The following RP1 variants were observed in gnomAD, a reference collection of about 807,000 sequenced individuals.
RP1 encodes RP1 axonemal microtubule associated, also known as oxygen-regulated protein 1.
In RP1, 16 loss-of-function variants were observed where a neutral mutation model predicts 14.8. The ratio of observed to expected loss-of-function variants is 1.08; its 90% confidence interval spans 0.73 to 1.65. RP1 has a LOEUF of 1.65. Ranked by LOEUF, RP1 falls within the 40% of genes most tolerant of loss-of-function variation. The pLI is 0.00. For synonymous variants in RP1, 876 were observed against 883.6 expected (o/e 0.99, Z 0.15); for missense variants, 2,631 against 2,535.0 (o/e 1.04, Z -0.81).
intron 1 of RP1, among the ~76,000 whole-genome samples, chr8:54,610,281 C>T (rs1056046440): frequency 6.6e-6 from 1 of 152,144 alleles, no homozygotes; most frequent in Non-Finnish European, 1.5e-5. Flanking sequence ...ACCTTTTCCT[C>T]ATAAACTCCT....
At chr8:54,804,146 G>T (rs994563292) in intron 24 of RP1, among the ~76,000 whole-genome samples, 3 of 151,390 alleles carry the variant, frequency 2.0e-5, no homozygotes, top group Non-Finnish European at 4.4e-5. Context: ...ACATATGTGG[G>T]GGGGGGCTAG....
At chr8:54,637,502 T>TA (rs1312946012) in intron 3 of RP1, among the ~76,000 whole-genome samples, 1 of 152,180 alleles carries the variant, frequency 6.6e-6, no homozygotes, top group Non-Finnish European at 1.5e-5. Flanking sequence ...TAGCTCAAAA[T>TA]AAAAAATAGA....
At position 54,835,324 on chromosome 8, in the gene RP1, C is replaced by A. The variant is rs531918790; in HGVS notation, c.3616-2126C>A. On this transcript the variant is annotated intron_variant, in intron 24 of 28. Transcript: ENST00000637698. ...AGCACTAGCCATGCTGTAGTACAGT[C>A]ATTTCAGTTCTGGTTCTAGTTGGCT... Among the ~76,000 whole-genome samples, 6 of 152,264 alleles carry A rather than the reference C, an allele frequency of 3.9e-5. No homozygotes were observed. The East Asian group carries it at 1.2e-3, about 29-fold the overall frequency.
At chr8:54,812,102 T>C (rs1008961044) in intron 24 of RP1, among the ~76,000 whole-genome samples, 3 of 152,230 alleles carry the variant, frequency 2.0e-5, no homozygotes, top group Non-Finnish European at 2.9e-5. Flanking sequence ...ATAGATGTCA[T>C]CAATACAATA....
At chr8:54,661,306 G>GATATATATATGATAT (rs1554522269) in intron 6 of RP1, among the ~76,000 whole-genome samples, 9 of 79,292 alleles carry the variant, frequency 1.1e-4, no homozygotes, top group Admixed American at 4.7e-4. Context: ...ATATATATGA[G>GATATATATATGATAT]ATATATATAT....
intron 24 of RP1, among the ~76,000 whole-genome samples, chr8:54,785,879 C>T (rs1158186207): frequency 1.3e-5 from 2 of 152,088 alleles, no homozygotes; most frequent in South Asian, 2.1e-4. Context: ...TATACTTGAT[C>T]TTAGCCAAAA....
intron 16 of RP1, among the ~76,000 whole-genome samples, chr8:54,722,666 A>G (rs1808564873): frequency 6.6e-6 from 1 of 152,174 alleles, no homozygotes; most frequent in African/African-American, 2.4e-5. Context: ...GCCCCCGAAA[A>G]AGTTAAGCTG....
intron 6 of RP1, among the ~76,000 whole-genome samples, chr8:54,661,149 A>C (rs914193348): frequency 1.4e-5 from 2 of 148,070 alleles, no homozygotes; most frequent in African/African-American, 4.9e-5. Context: ...CTATTAAAAA[A>C]TATAAAATTA....
intron 19 of RP1, chr8:54,754,664 A>G: frequency 3.7e-6 from 3 of 803,050 alleles, no homozygotes; most frequent in South Asian, 4.5e-5. Flanking sequence ...TACGACTACT[A>G]CTACTAACAA....
intron 13 of RP1, chr8:54,701,356 C>T (rs1198802292): frequency 6.7e-6 from 5 of 743,462 alleles, no homozygotes; most frequent in African/African-American, 1.8e-5. Context: ...ATTTCAAAAT[C>T]ATGAGATTTT....
chr8:54,653,671 G>A (rs772296093), intron 5 of RP1, among the ~76,000 whole-genome samples: 1 of 152,052 alleles, frequency 6.6e-6, no homozygotes, highest in Non-Finnish European at 1.5e-5. Flanking sequence ...AGTTACAAAC[G>A]ATTCTGAAAG....
chr8:54,585,794 A>G (rs529777460), intron 1 of RP1, among the ~76,000 whole-genome samples: 2 of 152,260 alleles, frequency 1.3e-5, no homozygotes, highest in South Asian at 4.2e-4. Context: ...CGAATCGGCT[A>G]CTGAGGCTTG....
At chr8:54,804,423 G>C (rs186433152) in intron 24 of RP1, among the ~76,000 whole-genome samples, 2 of 152,090 alleles carry the variant, frequency 1.3e-5, no homozygotes, top group Non-Finnish European at 2.9e-5. Flanking sequence ...TCATTTTGCC[G>C]GTGCTAGTTT....
At chr8:54,571,379 T>C (rs1338901183) in intron 1 of RP1, among the ~76,000 whole-genome samples, 1 of 152,226 alleles carries the variant, frequency 6.6e-6, no homozygotes, top group Non-Finnish European at 1.5e-5. Flanking sequence ...TTCCTGCTCA[T>C]GGCTGTGTCC....
intron 7 of RP1, among the ~76,000 whole-genome samples, chr8:54,666,807 G>C (rs1011204728): frequency 2.0e-5 from 3 of 151,924 alleles, no homozygotes; most frequent in Non-Finnish European, 4.4e-5. Context: ...AGACCTCCTA[G>C]TTCTCTGTGG....
intron 24 of RP1, among the ~76,000 whole-genome samples, chr8:54,823,735 G>A (rs957810593): frequency 6.6e-6 from 1 of 152,142 alleles, no homozygotes; most frequent in Non-Finnish European, 1.5e-5. Flanking sequence ...CCAGTTTGGG[G>A]CTGTTATAAA....
rs557406802 is a variant in RP1, at chr8:54,656,910, T to C, written c.1171+695T>C. Among the ~76,000 whole-genome samples the C allele has an allele frequency of 3.9e-5, 6 of 152,000 alleles. No homozygotes were observed. In the East Asian group the frequency reaches 1.2e-3, roughly 29 times the overall value. ...AAATGTGATGTTTTAATTTTCTGAA[T>C]AAATAAATAAATGAGTAATATTAAG... On this transcript the variant is annotated intron_variant, in intron 6 of 22. Transcript: ENST00000636932.
At chr8:54,838,687 A>G (rs1267199692) in intron 25 of RP1, among the ~76,000 whole-genome samples, 2 of 152,106 alleles carry the variant, frequency 1.3e-5, no homozygotes, top group Non-Finnish European at 2.9e-5. Context: ...CTGCATGCAT[A>G]TGTGAAAAAG....
chr8:54,702,044 TTTTC>T (rs1808034335), intron 14 of RP1, among the ~76,000 whole-genome samples: 1 of 152,170 alleles, frequency 6.6e-6, no homozygotes, highest in African/African-American at 2.4e-5. Flanking sequence ...GCTTATTCTT[TTTTC>T]TTTATGTGTT....
Sources: allele counts gnomAD v4.1 joint callset (sites outside exome capture counted in the v4.1 genomes callset), GRCh38; gene constraint gnomAD v4.1.1; transcripts MANE v1.5; gene names NCBI Gene and HGNC (gene_info 2026-07-23, HGNC 2026-07-21).